Variants in IFIH1 observed in about 807,000 individuals in gnomAD.
The protein encoded by IFIH1 is interferon-induced helicase C domain-containing protein 1.
IFIH1 carries 125 observed loss-of-function variants against 107.4 expected under a neutral mutation model. The ratio of observed to expected loss-of-function variants is 1.16; its 90% CI spans 1.01 to 1.35. IFIH1 has a LOEUF of 1.35. Among genes scored for constraint, IFIH1 ranks in the 40% most tolerant of loss-of-function variants. The pLI is 0.00. For synonymous variants in IFIH1, 458 were observed against 413.2 expected (o/e 1.11, Z -1.31); for missense variants, 1,333 against 1,213.7 (o/e 1.10, Z -1.46).
intron 1 of IFIH1, among the ~76,000 whole-genome samples, chr2:162,311,941 T>C (rs1378384086): frequency 6.6e-6 from 1 of 152,180 alleles, no homozygotes; most frequent in African/African-American, 2.4e-5. Flanking sequence ...TAAAAGATTA[T>C]GATTTATTTT....
Position 162,284,684 on chromosome 2 carries a change from G to A in IFIH1, c.1096-2108C>T, listed in dbSNP as rs183771607. Among the ~76,000 whole-genome samples, 46 of 151,980 alleles carry A rather than the reference G, an allele frequency of 3.0e-4. 1 individual carries two copies. In the East Asian group the frequency reaches 6.8e-3, roughly 23 times the overall value. ...GAGAATAATAAAGACTACCTTATGG[G>A]GTTGCTGTGTAGATTTAATGAGATA... On this transcript the variant is annotated intron_variant, in intron 5 of 15. Transcript: ENST00000649979.
chr2:162,268,789 C>T (rs1478405949), intron 13 of IFIH1, among the ~76,000 whole-genome samples: 1 of 152,008 alleles, frequency 6.6e-6, no homozygotes, highest in Non-Finnish European at 1.5e-5. Flanking sequence ...GGAGTTTTGC[C>T]ATGTTGCCCA....
Position 162,272,251 on chromosome 2 carries a change from A to C in IFIH1, c.2591T>G (p.Met864Arg), listed in dbSNP as rs757999599. 2 of 1,612,420 alleles carry C rather than the reference A, an allele frequency of 1.2e-6. No individual in the cohort carries two copies. The highest frequency in any genetic ancestry group is 1.7e-6 in the Non-Finnish European group (2 of 1,179,122). The change falls in exon 13 of 16, where the codon ATG becomes AGG. Residue 864 changes from methionine (M) to arginine (R), a missense_variant. By Grantham distance (91) the Met-to-Arg change is moderately conservative. Transcript: ENST00000649979. ...MYKAIHCVQN[M>R]KPEEYAHKIL... ...CTTATGAGCATACTCCTCTGGTTTCATATTTTGAACACAATGTATAGCTTT... is the reference window on the plus strand; with the variant it reads ...CTTATGAGCATACTCCTCTGGTTTCCTATTTTGAACACAATGTATAGCTTT...
chr2:162,317,940 G>A lies in IFIH1; in HGVS notation c.368C>T (p.Pro123Leu), dbSNP rs1394334517. The A allele has an allele frequency of 1.2e-6, 2 of 1,614,088 alleles. No homozygotes were observed. The highest frequency in any genetic ancestry group is 2.2e-5 in the South Asian group (2 of 91,078). The change falls in exon 1 of 16, where the codon CCC becomes CTC. Residue 123 changes from proline (P) to leucine (L), a missense_variant. Physicochemically the swap from Pro to Leu is moderately conservative, Grantham distance 98. Transcript: ENST00000649979. ...EYLQLLNLLQ[P>L]TLVDKLLVRD... ...AACTAGAAGCTTGTCCACCAGAGTGGGCTGAAGGAGGTTCAGCAGTTGGAG... is the reference window on the plus strand; with the variant it reads ...AACTAGAAGCTTGTCCACCAGAGTGAGCTGAAGGAGGTTCAGCAGTTGGAG...
chr2:162,277,661 A>T lies in IFIH1; in HGVS notation c.1798T>A (p.Cys600Ser). Residue 600 changes from cysteine to serine, a missense_variant, in exon 10 of 16, where the codon TGT (cysteine) becomes AGT (serine). Transcript: ENST00000649979. ...AKEGNRKERV[C>S]AEHLRKYNEA... ...TTGTACTTCCTCAAATGTTCTGCAC[A>T]AACACGTTCTTTGCGATTTCCTTCT... 6.2e-7 allele frequency: 1 copy of T among 1,605,132 alleles called. No homozygotes were observed. Among genetic ancestry groups the T allele is most frequent in the Non-Finnish European group, 8.5e-7 (1 of 1,176,614 alleles).
chr2:162,267,422 T>C (rs1690945882), intron 15 of IFIH1, 43 bp from the exon 16 acceptor site: 1 of 1,612,222 alleles, frequency 6.2e-7, no homozygotes, highest in Non-Finnish European at 8.5e-7. Context: ...TAAATGTACA[T>C]GCAATTAAAC....
chr2:162,268,256 T>G lies in IFIH1; in HGVS notation c.2638A>C (p.Ser880Arg), dbSNP rs1391101090. The G allele has an allele frequency of 1.9e-6, 3 of 1,607,728 alleles. No individual in the cohort carries two copies. Among genetic ancestry groups the G allele is most frequent in the Non-Finnish European group, 1.7e-6 (2 of 1,176,088 alleles). The change falls in exon 14 of 16, where the codon AGT becomes CGT. Residue 880 changes from serine to arginine, a missense_variant. Transcript: ENST00000649979. Reference protein sequence around the residue: ...AHKILELQMQSIMEKKMKTKR... With the variant: ...AHKILELQMQRIMEKKMKTKR... ...GTTTTCATTTTCTTTTCCATTATAC[T>G]TTGCATCTGTAATTCCAAAATCTGG...
intron 10 of IFIH1, among the ~76,000 whole-genome samples, chr2:162,277,205 T>C (rs142222330): frequency 6.6e-6 from 1 of 152,290 alleles, no homozygotes; most frequent in Non-Finnish European, 1.5e-5. Flanking sequence ...TTCATTACAA[T>C]TGTCTTGACA....
intron 5 of IFIH1, among the ~76,000 whole-genome samples, chr2:162,285,042 A>G (rs1388266923): frequency 6.6e-6 from 1 of 152,012 alleles, no homozygotes; most frequent in Non-Finnish European, 1.5e-5. Context: ...TTCCTACTGA[A>G]GGACACAGAG....
At chr2:162,291,804 T>C (rs1046203754) in intron 4 of IFIH1, among the ~76,000 whole-genome samples, 1 of 151,872 alleles carries the variant, frequency 6.6e-6, no homozygotes, top group African/African-American at 2.4e-5. Context: ...TTTTAGCTTA[T>C]ACCAGGCACT....
chr2:162,283,982 CT>C (rs11321716), intron 5 of IFIH1, among the ~76,000 whole-genome samples: 18,799 of 146,342 alleles, frequency 0.13, 2,653 homozygotes, highest in African/African-American at 0.32. Flanking sequence ...TCATTTAGTT[CT>C]TTTTTTTTTT....
rs1283129508 is a variant in IFIH1 at position 162,276,779 on chromosome 2, T to C, written c.2212A>G (p.Ile738Val). ...TCAGCAAATTTTTCATTTTCAGTAA[T>C]CCACTGGGAAAGCGCATATGCACTC... ...RQSAYALSQW[I>V]TENEKFAEVG... The change falls in exon 11 of 16, where the codon ATT (isoleucine) becomes GTT (valine). Residue 738 changes from isoleucine (I) to valine (V), a missense_variant. Coordinates refer to ENST00000649979, the MANE Select transcript of IFIH1 (RefSeq NM_022168.4). 3.1e-6 allele frequency: 5 copies of C among 1,613,912 alleles called. No homozygotes were observed. The African/African-American group carries it at 5.3e-5, about 17-fold the overall frequency.
At chr2:162,303,134 G>A (rs988609182) in intron 3 of IFIH1, among the ~76,000 whole-genome samples, 1 of 151,846 alleles carries the variant, frequency 6.6e-6, no homozygotes, top group Non-Finnish European at 1.5e-5. Flanking sequence ...TTTTTGAGAC[G>A]GAGTTTTTTT....
intron 1 of IFIH1, among the ~76,000 whole-genome samples, chr2:162,317,354 G>A (rs775786190): frequency 1.4e-4 from 21 of 152,234 alleles, no homozygotes; most frequent in South Asian, 6.2e-4. Flanking sequence ...CCCATGGGCC[G>A]TAGTTTACTA....
intron 2 of IFIH1, chr2:162,310,029 C>G (rs1261352742): frequency 1.3e-5 from 2 of 152,348 alleles, no homozygotes; most frequent in East Asian, 3.9e-4. Context: ...CTTACAGTCT[C>G]TATCAATTAC....
intron 12 of IFIH1, among the ~76,000 whole-genome samples, chr2:162,273,395 C>T (rs1000047634): frequency 6.6e-6 from 1 of 152,142 alleles, no homozygotes; most frequent in East Asian, 1.9e-4. Context: ...AACAGCAGGG[C>T]TCCCTCAGGT....
intron 13 of IFIH1, among the ~76,000 whole-genome samples, chr2:162,271,981 G>A (rs959043363): frequency 1.1e-4 from 16 of 152,152 alleles, no homozygotes; most frequent in Non-Finnish European, 2.4e-4. Flanking sequence ...GAACAAGGCA[G>A]GCTAAATTTA....
At chr2:162,311,694 A>G (rs1193023235) in intron 1 of IFIH1, among the ~76,000 whole-genome samples, 1 of 152,138 alleles carries the variant, frequency 6.6e-6, no homozygotes, top group Non-Finnish European at 1.5e-5. Flanking sequence ...AGGTCCTAAT[A>G]TAGCAATAAG....
intron 3 of IFIH1, among the ~76,000 whole-genome samples, chr2:162,298,916 C>T (rs376826097): frequency 8.5e-5 from 13 of 152,156 alleles, no homozygotes; most frequent in African/African-American, 2.9e-4. Context: ...TCTCCTGGAT[C>T]CAAGCTTCTA....
Sources: gnomAD v4.1 joint callset for allele counts (sites outside exome capture counted in the v4.1 genomes callset) on GRCh38, gnomAD v4.1.1 for gene constraint, MANE v1.5 for transcripts, NCBI Gene and HGNC (gene_info 2026-07-23, HGNC 2026-07-21) for gene names.